The following SMAD4 variants were observed in gnomAD, a reference collection of about 807,000 sequenced individuals.
SMAD4 encodes the protein SMAD family member 4, also known as MAD homolog 4.
In SMAD4, 7 loss-of-function variants were observed where a neutral mutation model predicts 63.2. The ratio of observed to expected loss-of-function variants is 0.11; its 90% CI spans 0.06 to 0.21. SMAD4 has a LOEUF of 0.21. Among genes scored for constraint, SMAD4 ranks in the 10% least tolerant of loss-of-function variants. SMAD4 has a pLI of 1.00. For missense variants in SMAD4, 312 were observed against 693.8 expected, an observed-to-expected ratio of 0.45 and a Z score of 6.18; for synonymous variants, 215 against 235.4, an observed-to-expected ratio of 0.91 and a Z score of 0.79.
intron 10 of SMAD4, among the ~76,000 whole-genome samples, chr18:51,069,785 A>G (rs1473280719): frequency 1.3e-5 from 2 of 152,154 alleles, no homozygotes; most frequent in African/African-American, 2.4e-5. Flanking sequence ...CACTTGATTT[A>G]TGGGCAGGTG....
At chr18:51,068,554 CAATAG>C (rs1910226812) in intron 10 of SMAD4, among the ~76,000 whole-genome samples, 1 of 152,002 alleles carries the variant, frequency 6.6e-6, no homozygotes, top group Non-Finnish European at 1.5e-5. Context: ...TCTGTTAGAA[CAATAG>C]AATAAAGCAA....
chr18:51,083,997 TGCGCAC>T lies in SMAD4; in HGVS notation c.*5535_*5540del, dbSNP rs147193925. The T allele has an allele frequency of 9.4e-3, 1,165 of 123,988 alleles. 15 individuals carry two copies. The highest frequency in any genetic ancestry group is 0.046 in the African/African-American group (1,078 of 23,574). The allele number at this position is 123,988 out of a possible 1,614,324, so 7.7% of individuals were successfully genotyped here. On this transcript the variant is annotated 3_prime_UTR_variant, in exon 12 of 12. Coordinates refer to ENST00000342988, the MANE Select transcript of SMAD4 (RefSeq NM_005359.6). Reference sequence around the variant, plus strand: ...GGCTGCAATAAACACTTAACGCGCGTGCGCACGCGCGCGCGCACACACACACACACA... The same window carrying T: ...GGCTGCAATAAACACTTAACGCGCGTGCGCGCGCGCACACACACACACACA...
At chr18:51,072,005 C>CACA (rs1354762823) in intron 10 of SMAD4, among the ~76,000 whole-genome samples, 1 of 152,156 alleles carries the variant, frequency 6.6e-6, no homozygotes, top group Non-Finnish European at 1.5e-5. Flanking sequence ...ATCAGTTTAT[C>CACA]CATTGATGGA....
At position 51,080,056 on chromosome 18, in the gene SMAD4, T is replaced by C. The variant is rs1910572594; in HGVS notation, c.*1589T>C. On this transcript the variant is annotated 3_prime_UTR_variant, in exon 12 of 12. Transcript: ENST00000342988. Reference sequence around the variant, plus strand: ...AATAGATTGTCTACAGGATAAATAGTATGAAATAAAATCAAGGATTATCTT... The same window carrying C: ...AATAGATTGTCTACAGGATAAATAGCATGAAATAAAATCAAGGATTATCTT... 2 of 232,078 alleles carry C rather than the reference T, an allele frequency of 8.6e-6. No individual in the cohort carries two copies. Among genetic ancestry groups the C allele is most frequent in the Non-Finnish European group, 1.7e-5 (2 of 117,402 alleles). The allele number at this position is 232,078 out of a possible 1,614,324, so 14.4% of individuals were successfully genotyped here.
chr18:51,078,234 TC>T lies in SMAD4; in HGVS notation c.1448-21del, dbSNP rs1288553549. ...AAGAGATCACCCTGTCCCTCTGATG[TC>T]TTCCAAATCTTTTCTGTTAGGTCTG... On this transcript the variant is annotated intron_variant, in intron 11 of 11. Transcript: ENST00000342988. 5 of 1,601,134 alleles carry T rather than the reference TC, an allele frequency of 3.1e-6. No individual in the cohort carries two copies. In the African/African-American group the frequency reaches 6.7e-5, roughly 21 times the overall value.
Position 51,033,482 on chromosome 18 carries a change from G to A in SMAD4, c.-128+2859G>A, listed in dbSNP as rs1045667911. 3.9e-5 allele frequency among the ~76,000 whole-genome samples: 6 copies of A among 152,154 alleles called. No individual in the cohort carries two copies. The East Asian group carries it at 7.7e-4, about 20-fold the overall frequency. On this transcript the variant is annotated intron_variant, in intron 1 of 11. Coordinates refer to ENST00000342988, the MANE Select transcript of SMAD4 (RefSeq NM_005359.6). ...TGGGATTACAGGCGTGAGCCACTGC[G>A]CCTGTCCTATAACAGCATTTAATAC...
At chr18:51,059,681 A>T (rs764416547) in intron 7 of SMAD4, among the ~76,000 whole-genome samples, 185 bp from the exon 8 acceptor site, 1 of 152,236 alleles carries the variant, frequency 6.6e-6, no homozygotes, top group Non-Finnish European at 1.5e-5. Context: ...TTAAATATCC[A>T]CAAAAGTATT....
At chr18:51,056,995 C>G (rs1313220686) in intron 5 of SMAD4, among the ~76,000 whole-genome samples, 1 of 152,032 alleles carries the variant, frequency 6.6e-6, no homozygotes, top group African/African-American at 2.4e-5. Flanking sequence ...AGATAACTTG[C>G]AGAATCTGGG....
chr18:51,050,475 C>T (rs751565657), intron 4 of SMAD4, among the ~76,000 whole-genome samples: 2 of 151,356 alleles, frequency 1.3e-5, no homozygotes, highest in South Asian at 2.1e-4. Flanking sequence ...CTGGCTAACA[C>T]AGTGAAACCC....
At chr18:51,077,323 A>G in intron 11 of SMAD4, 3 of 921,314 alleles carry the variant, frequency 3.3e-6, no homozygotes, top group Non-Finnish European at 3.9e-6. Context: ...ACTCCTGACT[A>G]TAGACTTTTA....
intron 1 of SMAD4, among the ~76,000 whole-genome samples, chr18:51,033,598 A>G (rs962064437): frequency 1.3e-5 from 2 of 152,236 alleles, no homozygotes; most frequent in South Asian, 4.1e-4. Flanking sequence ...ACAGTTCACA[A>G]ATATATCTAG....
chr18:51,070,479 T>C (rs965140451), intron 10 of SMAD4, among the ~76,000 whole-genome samples: 6 of 152,328 alleles, frequency 3.9e-5, no homozygotes, highest in Middle Eastern at 3.4e-3. Flanking sequence ...TTAACTAAGA[T>C]TTTAAAATAA....
intron 1 of SMAD4, among the ~76,000 whole-genome samples, chr18:51,038,251 T>TTG (rs754630663): frequency 1.1e-5 from 1 of 94,894 alleles, no homozygotes. Context: ...AGCGAGACTG[T>TTG]GGGGGGGGGG....
intron 1 of SMAD4, among the ~76,000 whole-genome samples, chr18:51,034,350 G>A (rs1353346844): frequency 6.6e-6 from 1 of 151,558 alleles, no homozygotes; most frequent in Non-Finnish European, 1.5e-5. Flanking sequence ...GGGTTCAAGC[G>A]ATTCCCCTGC....
In SMAD4 at chr18:51,083,749, T is replaced by G. The variant is rs1389511065; in HGVS notation, c.*5282T>G. On this transcript the variant is annotated 3_prime_UTR_variant, in exon 12 of 12. Transcript: ENST00000342988. Reference sequence around the variant, plus strand: ...GTAAAATGAGGGAGTTGGAGTAGATTAATTATTCCAGCTCTGAAATTCTAA... The same window carrying G: ...GTAAAATGAGGGAGTTGGAGTAGATGAATTATTCCAGCTCTGAAATTCTAA... 7 of 229,866 alleles carry G rather than the reference T, an allele frequency of 3.0e-5. No individual in the cohort carries two copies. The allele number at this position is 229,866 out of a possible 1,614,324, so 14.2% of individuals were successfully genotyped here.
rs543627391 is a variant in SMAD4, at chr18:51,049,549, TA to T, written c.454+228del. 5.8e-3 allele frequency: 2,763 copies of T among 473,858 alleles called. 15 individuals carry two copies. Among genetic ancestry groups the T allele is most frequent in the Non-Finnish European group, 8.5e-3 (2,285 of 269,390 alleles). 29.4% of individuals were successfully genotyped at this position (473,858 alleles called of 1,614,324 possible). A position where few individuals can be genotyped will look rare whatever the true frequency, so the allele number is the denominator to read the frequency against. ...TGTATTTGAACTGCAATTTATGAAC[TA>T]AAGTACTGTAAAAAAATATGATAGA... On this transcript the variant is annotated intron_variant, in intron 4 of 11. Coordinates refer to ENST00000342988, the MANE Select transcript of SMAD4 (RefSeq NM_005359.6).
At chr18:51,039,507 C>A (rs1909310588) in intron 1 of SMAD4, among the ~76,000 whole-genome samples, 2 of 134,240 alleles carry the variant, frequency 1.5e-5, no homozygotes, top group Admixed American at 7.4e-5. Context: ...ACCCCCCCAC[C>A]CCCCGTAGTT....
intron 1 of SMAD4, among the ~76,000 whole-genome samples, chr18:51,041,440 G>A (rs1265117013): frequency 3.3e-5 from 5 of 152,216 alleles, no homozygotes; most frequent in Non-Finnish European, 5.9e-5. Flanking sequence ...CATTGGCACT[G>A]TTGACATTTT....
chr18:51,078,879 A>G lies in SMAD4; in HGVS notation c.*412A>G, dbSNP rs28403611. The G allele has an allele frequency of 2.2e-3, 532 of 245,370 alleles. 14 individuals are homozygous for G. In the East Asian group the frequency reaches 0.03, roughly 14 times the overall value. The allele number at this position is 245,370 out of a possible 1,614,324, so 15.2% of individuals were successfully genotyped here. ...AGAAGTTCTCAAAGTTAATTCACCT[A>G]TGTTATTTTGTGTACAAGTTGTTAT... On this transcript the variant is annotated 3_prime_UTR_variant, in exon 12 of 12. Coordinates refer to ENST00000342988, the MANE Select transcript of SMAD4 (RefSeq NM_005359.6).
Sources: allele counts gnomAD v4.1 joint callset (sites outside exome capture counted in the v4.1 genomes callset), GRCh38; gene constraint gnomAD v4.1.1; transcripts MANE v1.5; gene names NCBI Gene and HGNC (gene_info 2026-07-23, HGNC 2026-07-21).